SCFD2: variants seen among roughly 807,000 people sequenced by gnomAD.
SCFD2 encodes sec1 family domain containing 2.
A neutral mutation model predicts 58.9 loss-of-function variants in SCFD2; 54 were observed. The ratio of observed to expected loss-of-function variants is 0.92; its 90% CI spans 0.74 to 1.15. The LOEUF (loss-of-function observed/expected upper bound fraction) is 1.15, where lower values mean the gene tolerates loss of function less well. Ranked by LOEUF, SCFD2 falls within the 50% of genes most tolerant of loss-of-function variation. SCFD2 has a pLI of 0.00. For missense variants in SCFD2, 805 were observed against 836.6 expected (o/e 0.96, Z 0.47); for synonymous variants, 321 against 335.9 (o/e 0.96, Z 0.49).
intron 4 of SCFD2, among the ~76,000 whole-genome samples, chr4:53,200,386 G>A (rs1467363984): frequency 2.0e-5 from 3 of 151,858 alleles, no homozygotes; most frequent in South Asian, 2.1e-4. Flanking sequence ...TAAACCCACT[G>A]TAGAATATAA....
intron 5 of SCFD2, among the ~76,000 whole-genome samples, chr4:53,024,396 T>G (rs1162644229): frequency 6.6e-6 from 1 of 152,172 alleles, no homozygotes; most frequent in African/African-American, 2.4e-5. Flanking sequence ...TAAGATGGCA[T>G]AATCAACTTG....
intron 5 of SCFD2, among the ~76,000 whole-genome samples, chr4:53,126,309 G>A (rs1227966543): frequency 2.6e-5 from 4 of 152,112 alleles, no homozygotes; most frequent in Admixed American, 6.5e-5. Flanking sequence ...GGCAGATTGC[G>A]TTAAGTTACA....
intron 5 of SCFD2, among the ~76,000 whole-genome samples, chr4:52,962,756 C>A (rs1720880846): frequency 6.6e-6 from 1 of 152,180 alleles, no homozygotes; most frequent in South Asian, 2.1e-4. Context: ...CTTTAATCAG[C>A]AGTAGGAAAC....
chr4:52,932,648 C>T (rs756885936), intron 5 of SCFD2, among the ~76,000 whole-genome samples: 9 of 152,014 alleles, frequency 5.9e-5, no homozygotes, highest in South Asian at 4.2e-4. Flanking sequence ...GCCTAAAGTT[C>T]CTTTCATCCC....
intron 2 of SCFD2, among the ~76,000 whole-genome samples, chr4:53,345,194 T>C (rs1248642664): frequency 6.6e-6 from 1 of 152,118 alleles, no homozygotes; most frequent in Admixed American, 6.6e-5. Context: ...TTTTGCAATC[T>C]ACCCATCTGA....
At chr4:53,242,469 G>GA (rs58962140) in intron 4 of SCFD2, among the ~76,000 whole-genome samples, 107,393 of 151,666 alleles carry the variant, frequency 0.71, 38,191 homozygotes, top group Middle Eastern at 0.8. Flanking sequence ...GATAAAAGAG[G>GA]AAAAAAAATC....
chr4:52,925,303 T>A (rs1011668670), intron 5 of SCFD2, among the ~76,000 whole-genome samples: 2 of 150,668 alleles, frequency 1.3e-5, no homozygotes, highest in African/African-American at 4.9e-5. Flanking sequence ...TTTATATATA[T>A]ATGTACTATA....
chr4:53,242,070 C>T (rs879564350), intron 4 of SCFD2, among the ~76,000 whole-genome samples: 13 of 152,222 alleles, frequency 8.5e-5, no homozygotes, highest in African/African-American at 2.7e-4. Flanking sequence ...CTGTGAATGC[C>T]GAAACAGAGG....
chr4:52,974,018 C>T (rs1391894120), intron 5 of SCFD2, among the ~76,000 whole-genome samples: 3 of 152,138 alleles, frequency 2.0e-5, no homozygotes, highest in Non-Finnish European at 4.4e-5. Context: ...TGGGACATAT[C>T]TCAAAATAGT....
At chr4:53,028,775 C>T (rs573669714) in intron 5 of SCFD2, among the ~76,000 whole-genome samples, 1 of 152,262 alleles carries the variant, frequency 6.6e-6, no homozygotes, top group African/African-American at 2.4e-5. Context: ...CTACCAGGCT[C>T]TTTTCAAGCT....
chr4:53,069,009 G>A (rs1424073905), intron 5 of SCFD2, among the ~76,000 whole-genome samples: 2 of 152,012 alleles, frequency 1.3e-5, no homozygotes. Context: ...CAGGAAGCCA[G>A]GGACACTCTG....
At chr4:53,002,034 A>G (rs1721874716) in intron 5 of SCFD2, among the ~76,000 whole-genome samples, 1 of 152,230 alleles carries the variant, frequency 6.6e-6, no homozygotes, top group Non-Finnish European at 1.5e-5. Flanking sequence ...TAACTATTCA[A>G]TAATTATTGG....
chr4:53,055,721 A>C (rs1213941627), intron 5 of SCFD2, among the ~76,000 whole-genome samples: 5 of 152,172 alleles, frequency 3.3e-5, no homozygotes, highest in Non-Finnish European at 4.4e-5. Flanking sequence ...CTCCCTCTGC[A>C]ACCCACAACA....
intron 5 of SCFD2, among the ~76,000 whole-genome samples, chr4:53,083,439 A>G (rs776286326): frequency 6.6e-6 from 1 of 152,174 alleles, no homozygotes; most frequent in Non-Finnish European, 1.5e-5. Context: ...AATACTTCCA[A>G]CCTTATTCTG....
chr4:53,307,572 A>T (rs1732555955), intron 3 of SCFD2, among the ~76,000 whole-genome samples: 2 of 152,230 alleles, frequency 1.3e-5, no homozygotes, highest in African/African-American at 4.8e-5. Flanking sequence ...CTTAACATAC[A>T]GAATTGTTAA....
At position 53,208,187 on chromosome 4, in the gene SCFD2, G is replaced by A. The variant is rs542869493; in HGVS notation, c.1312-62605C>T. 1.7e-4 allele frequency among the ~76,000 whole-genome samples: 25 copies of A among 151,082 alleles called. 1 individual carries two copies. The highest frequency in any genetic ancestry group is 2.8e-4 in the Non-Finnish European group (19 of 67,892). On this transcript the variant is annotated intron_variant, in intron 4 of 8. Transcript: ENST00000401642. ...GAGACAGCGTTTGCCATATTTCCCAGTCTGGTCTCAAATTCACGAGCTCAT... is the reference window on the plus strand; with the variant it reads ...GAGACAGCGTTTGCCATATTTCCCAATCTGGTCTCAAATTCACGAGCTCAT...
At chr4:52,926,052 C>T (rs1719855664) in intron 5 of SCFD2, among the ~76,000 whole-genome samples, 1 of 152,084 alleles carries the variant, frequency 6.6e-6, no homozygotes, top group Non-Finnish European at 1.5e-5. Flanking sequence ...TGGCTCTGTA[C>T]ACCGCAGGGA....
At chr4:53,046,028 C>T (rs1216789435) in intron 5 of SCFD2, among the ~76,000 whole-genome samples, 1 of 152,028 alleles carries the variant, frequency 6.6e-6, no homozygotes, top group Non-Finnish European at 1.5e-5. Context: ...CTTAACTATC[C>T]AGAGGCTACA....
At chr4:53,230,728 A>C (rs1304638863) in intron 4 of SCFD2, among the ~76,000 whole-genome samples, 1 of 152,128 alleles carries the variant, frequency 6.6e-6, no homozygotes, top group African/African-American at 2.4e-5. Flanking sequence ...ATATGTAACA[A>C]ACCTGCACGT....
Sources: gnomAD v4.1 joint callset for allele counts (sites outside exome capture counted in the v4.1 genomes callset) on GRCh38, gnomAD v4.1.1 for gene constraint, MANE v1.5 for transcripts, NCBI Gene and HGNC (gene_info 2026-07-23, HGNC 2026-07-21) for gene names.